Variants in SEC14L1 observed in about 807,000 individuals in gnomAD.
The protein encoded by SEC14L1 is SEC14 like lipid binding 1.
SEC14L1 carries 48 observed loss-of-function variants against 85.3 expected under a neutral mutation model. The ratio of observed to expected loss-of-function variants is 0.56; its 90% CI spans 0.45 to 0.72. The LOEUF is 0.72. SEC14L1 is among the 30% of genes least tolerant of loss of function. The probability of loss-of-function intolerance (pLI) is 0.00; values close to 1 mark genes in which losing one functional copy is unlikely to be tolerated. For missense variants in SEC14L1, 682 were observed against 921.4 expected, an observed-to-expected ratio of 0.74 and a Z score of 3.36; for synonymous variants, 391 against 355.5, an observed-to-expected ratio of 1.10 and a Z score of -1.12.
chr17:77,192,411 GC>G, intron 5 of SEC14L1, among the ~76,000 whole-genome samples: 1 of 152,146 alleles, frequency 6.6e-6, no homozygotes, highest in African/African-American at 2.4e-5. Context: ...TCCACAGTTC[GC>G]CCAGAGGAAG....
intron 14 of SEC14L1, among the ~76,000 whole-genome samples, 177 bp downstream of exon 14, chr17:77,209,653 G>C (rs1157500634): frequency 2.2e-4 from 34 of 152,160 alleles, no homozygotes; most frequent in Admixed American, 2.2e-3. Flanking sequence ...GTCGAAGAAT[G>C]GGTCTCTCTC....
In SEC14L1 at chr17:77,096,006, G is replaced by T. The variant is rs527558516; in HGVS notation, c.-136+2659G>T. On this transcript the variant is annotated intron_variant, in intron 3 of 19. Transcript: ENST00000392476. ...GTGTGGCTGTCAGGAACATTCCCTG[G>T]CCTTGGCTGTCTCCTGCTGTCATTC... 3.3e-5 allele frequency among the ~76,000 whole-genome samples: 5 copies of T among 151,760 alleles called. No individual in the cohort carries two copies. In the South Asian group the frequency reaches 8.3e-4, roughly 25 times the overall value.
At chr17:77,192,932 G>A (rs1043794206) in intron 5 of SEC14L1, among the ~76,000 whole-genome samples, 9 of 152,222 alleles carry the variant, frequency 5.9e-5, no homozygotes, top group African/African-American at 1.4e-4. Flanking sequence ...AAAGTGTCGG[G>A]ATTGCAGGTG....
At chr17:77,146,604 CT>C (rs887206184) in intron 3 of SEC14L1, among the ~76,000 whole-genome samples, 14 of 151,282 alleles carry the variant, frequency 9.3e-5, no homozygotes, top group Admixed American at 3.3e-4. Context: ...CTTTCTTCTC[CT>C]TTTTTTTCTT....
At position 77,158,798 on chromosome 17, in the gene SEC14L1, C is replaced by CTTTTTTTTTTTT. The variant is rs34186028; in HGVS notation, c.63+15161_63+15172dup. 1.4e-3 allele frequency among the ~76,000 whole-genome samples: 55 copies of CTTTTTTTTTTTT among 39,240 alleles called. 20 individuals carry two copies. Among genetic ancestry groups the CTTTTTTTTTTTT allele is most frequent in the Middle Eastern group, 0.038 (2 of 52 alleles). The allele number at this position is 39,240 out of a possible 152,430, so 25.7% of individuals were successfully genotyped here. A position where few individuals can be genotyped will look rare whatever the true frequency, so the allele number is the denominator to read the frequency against. ...CAATTACATTTTATAGCTTTCTTTC[C>CTTTTTTTTTTTT]TTTTTTTTTTTTTTTTTTTTTTTTT... On this transcript the variant is annotated intron_variant, in intron 3 of 16. Coordinates refer to ENST00000436233, the MANE Select transcript of SEC14L1 (RefSeq NM_001143998.2).
intron 8 of SEC14L1, among the ~76,000 whole-genome samples, chr17:77,197,337 A>G (rs1249701849): frequency 1.3e-5 from 2 of 152,208 alleles, no homozygotes; most frequent in African/African-American, 4.8e-5. Context: ...CTTGTTCTTT[A>G]TTCAGGGAGG....
chr17:77,196,574 TC>T (rs1441475048), intron 8 of SEC14L1, among the ~76,000 whole-genome samples: 1 of 152,220 alleles, frequency 6.6e-6, no homozygotes, highest in African/African-American at 2.4e-5. Flanking sequence ...CAACATGTGT[TC>T]CAAGTATTCA....
chr17:77,100,426 CTCTTTTTTTTT>C (rs1244501273), intron 3 of SEC14L1, among the ~76,000 whole-genome samples: 1 of 54,806 alleles, frequency 1.8e-5, no homozygotes, highest in Non-Finnish European at 3.1e-5. Context: ...CTCTCTCTCT[CTCTTTTTTTTT>C]TTTTTTTTTT....
rs939240278 is a variant in SEC14L1, at chr17:77,186,352, G to A, written c.64-4451G>A. 2.6e-5 allele frequency among the ~76,000 whole-genome samples: 4 copies of A among 152,326 alleles called. 1 individual carries two copies. Among genetic ancestry groups the A allele is most frequent in the Middle Eastern group, 6.8e-3 (2 of 294 alleles). ...CTTTCCTGGAAACGCTCTCCGCCTC[G>A]CTGGCTGTGAACAGACCCTGGCACG... On this transcript the variant is annotated intron_variant, in intron 3 of 16. Coordinates refer to ENST00000436233, the MANE Select transcript of SEC14L1 (RefSeq NM_001143998.2).
intron 3 of SEC14L1, among the ~76,000 whole-genome samples, chr17:77,184,664 G>C (rs1345098164): frequency 6.6e-6 from 1 of 152,142 alleles, no homozygotes; most frequent in Non-Finnish European, 1.5e-5. Context: ...CCTTGCTCCA[G>C]ACTTGTAATC....
intron 3 of SEC14L1, among the ~76,000 whole-genome samples, chr17:77,186,902 C>T (rs1273783148): frequency 1.3e-5 from 2 of 152,164 alleles, no homozygotes; most frequent in African/African-American, 4.8e-5. Context: ...ATTTTTAACA[C>T]CAAAGGTTTC....
chr17:77,146,428 C>T (rs1973309404), intron 3 of SEC14L1, among the ~76,000 whole-genome samples: 1 of 152,172 alleles, frequency 6.6e-6, no homozygotes, highest in Non-Finnish European at 1.5e-5. Flanking sequence ...TTCCTTATTT[C>T]CCTTACTTCA....
chr17:77,089,103 C>G (rs1197240422), intron 1 of SEC14L1: 1 of 262,100 alleles, frequency 3.8e-6, no homozygotes, highest in African/African-American at 2.3e-5. Flanking sequence ...TGGTAAGCGT[C>G]GAATGACTTT....
At chr17:77,137,830 A>T (rs753345082), upstream of SEC14L1, among the ~76,000 whole-genome samples, 5 of 152,240 alleles carry the variant, frequency 3.3e-5, no homozygotes, top group Non-Finnish European at 1.5e-5. Context: ...CCTTCTCTGG[A>T]TAACAGTATA....
intron 3 of SEC14L1, among the ~76,000 whole-genome samples, chr17:77,100,425 TC>T (rs1390661857): frequency 1.9e-4 from 7 of 36,586 alleles, no homozygotes; most frequent in East Asian, 7.2e-4. Flanking sequence ...TCTCTCTCTC[TC>T]TCTTTTTTTT....
At chr17:77,114,559 G>T (rs191059883) in intron 3 of SEC14L1, among the ~76,000 whole-genome samples, 278 of 150,780 alleles carry the variant, frequency 1.8e-3, no homozygotes, top group Admixed American at 4.8e-3. Context: ...CACTGGCCAG[G>T]CACAGTAGCT....
chr17:77,130,597 A>C (rs192876561), intron 3 of SEC14L1, among the ~76,000 whole-genome samples: 132 of 151,826 alleles, frequency 8.7e-4, no homozygotes, highest in Admixed American at 3.9e-3. Context: ...TGCTGGGATG[A>C]CAGGCGTGAG....
chr17:77,113,840 A>G (rs956857290), intron 3 of SEC14L1, among the ~76,000 whole-genome samples: 1 of 152,170 alleles, frequency 6.6e-6, no homozygotes, highest in Non-Finnish European at 1.5e-5. Context: ...TGAAGAAGTC[A>G]CTGTCTGTGG....
chr17:77,198,420 AG>A (rs1164888159), intron 8 of SEC14L1, among the ~76,000 whole-genome samples: 4 of 152,222 alleles, frequency 2.6e-5, no homozygotes, highest in African/African-American at 9.7e-5. Context: ...CATCTTTAGA[AG>A]GGGAAAGCAG....
Sources: gnomAD v4.1 joint callset for allele counts (sites outside exome capture counted in the v4.1 genomes callset) on GRCh38, gnomAD v4.1.1 for gene constraint, MANE v1.5 for transcripts, NCBI Gene and HGNC (gene_info 2026-07-23, HGNC 2026-07-21) for gene names.